The following OPCML variants were observed in gnomAD, a reference collection of about 807,000 sequenced individuals.
OPCML encodes the protein opioid binding protein/cell adhesion molecule like.
In OPCML, 13 loss-of-function variants were observed where a neutral mutation model predicts 37.8. The ratio of observed to expected loss-of-function variants is 0.34; its 90% CI spans 0.22 to 0.55. The LOEUF (loss-of-function observed/expected upper bound fraction) is 0.55, where lower values mean the gene tolerates loss of function less well. Among genes scored for constraint, OPCML ranks in the 20% least tolerant of loss-of-function variants. The pLI is 0.91. For synonymous variants in OPCML, 176 were observed against 168.8 expected (o/e 1.04, Z -0.33); for missense variants, 341 against 435.6 (o/e 0.78, Z 1.93).
chr11:132,697,791 C>T (rs1040615493), intron 2 of OPCML, among the ~76,000 whole-genome samples: 5 of 151,378 alleles, frequency 3.3e-5, no homozygotes, highest in Non-Finnish European at 5.9e-5. Context: ...TGAGACAAGG[C>T]CTCTCTCTCT....
At chr11:133,503,063 G>A (rs1591574517) in intron 1 of OPCML, among the ~76,000 whole-genome samples, 1 of 152,340 alleles carries the variant, frequency 6.6e-6, no homozygotes, top group South Asian at 2.1e-4. Flanking sequence ...AAAGGACACA[G>A]GGGATTTGAG....
intron 1 of OPCML, among the ~76,000 whole-genome samples, chr11:132,961,885 G>A (rs991208257): frequency 3.9e-5 from 6 of 152,146 alleles, no homozygotes; most frequent in African/African-American, 9.7e-5. Flanking sequence ...TGCCTCTAAG[G>A]TCAGGCTCAG....
intron 2 of OPCML, among the ~76,000 whole-genome samples, chr11:132,717,049 T>C (rs1591509403): frequency 6.6e-6 from 1 of 152,142 alleles, no homozygotes; most frequent in African/African-American, 2.4e-5. Flanking sequence ...ACTCTGGACA[T>C]GTATCATATA....
At chr11:132,855,534 G>A (rs555361812) in intron 2 of OPCML, among the ~76,000 whole-genome samples, 11 of 152,280 alleles carry the variant, frequency 7.2e-5, no homozygotes, top group Non-Finnish European at 1.5e-4. Context: ...ATTACAATAT[G>A]ATTTCATTTC....
chr11:132,427,191 A>T (rs2095980479), intron 7 of OPCML, among the ~76,000 whole-genome samples: 1 of 152,200 alleles, frequency 6.6e-6, no homozygotes, highest in South Asian at 2.1e-4. Flanking sequence ...GAGCTTGTTG[A>T]CAGCACAGTG....
At chr11:132,745,576 AAAAAAAAGAAAG>A (rs1271908266) in intron 2 of OPCML, among the ~76,000 whole-genome samples, 7 of 145,890 alleles carry the variant, frequency 4.8e-5, no homozygotes, top group Non-Finnish European at 7.5e-5. Flanking sequence ...AAAAAAAAAA[AAAAAAAAGAAAG>A]AAAGAAAGAA....
intron 2 of OPCML, among the ~76,000 whole-genome samples, chr11:132,831,777 T>C (rs1940705593): frequency 6.6e-6 from 1 of 151,548 alleles, no homozygotes; most frequent in Admixed American, 6.6e-5. Context: ...GTCAAATTTG[T>C]ATAAGCACAG....
chr11:132,572,612 G>A (rs1454674609), intron 3 of OPCML, among the ~76,000 whole-genome samples: 1 of 151,938 alleles, frequency 6.6e-6, no homozygotes, highest in East Asian at 1.9e-4. Flanking sequence ...GGGCTGTATG[G>A]CTTTTTAAAT....
chr11:132,619,878 A>G lies in OPCML; in HGVS notation c.379+37209T>C, dbSNP rs142357707. On this transcript the variant is annotated intron_variant, in intron 3 of 7. Coordinates refer to ENST00000524381, the MANE Select transcript of OPCML (RefSeq NM_001012393.5). The stretch of plus-strand genomic sequence containing the variant: ...AAAAAAAAAAAAAAAAATTGGCCTA[A>G]AACAATGGGAAAATATTCCCTAGTG... Among the ~76,000 whole-genome samples, 690 of 151,684 alleles carry G rather than the reference A, an allele frequency of 4.5e-3. 10 individuals carry two copies. The highest frequency in any genetic ancestry group is 0.016 in the African/African-American group (650 of 41,354).
At chr11:132,648,741 A>T (rs547862829) in intron 3 of OPCML, among the ~76,000 whole-genome samples, 1 of 152,224 alleles carries the variant, frequency 6.6e-6, no homozygotes, top group African/African-American at 2.4e-5. Context: ...GGATCATATC[A>T]AGGAGTTTCT....
intron 2 of OPCML, among the ~76,000 whole-genome samples, chr11:132,724,181 C>G (rs1944785263): frequency 6.6e-6 from 1 of 152,110 alleles, no homozygotes; most frequent in Non-Finnish European, 1.5e-5. Context: ...TCCCACCACC[C>G]CTTCTTTAGC....
At chr11:132,673,789 T>C (rs1942580155) in intron 2 of OPCML, among the ~76,000 whole-genome samples, 1 of 152,124 alleles carries the variant, frequency 6.6e-6, no homozygotes, top group Non-Finnish European at 1.5e-5. Context: ...ACAGCAATCA[T>C]AAATTTTCCC....
intron 7 of OPCML, 167 bp from the exon 8 acceptor site, chr11:132,420,460 G>A (rs940247960): frequency 1.1e-6 from 1 of 923,078 alleles, no homozygotes; most frequent in Non-Finnish European, 1.3e-6. Flanking sequence ...GGAACTCAAA[G>A]GGGCAAGCTG....
chr11:133,437,650 G>T (rs374820086), intron 1 of OPCML, among the ~76,000 whole-genome samples: 2,220 of 97,090 alleles, frequency 0.023, 49 homozygotes, highest in Non-Finnish European at 0.032. Context: ...TCTCAACCCC[G>T]CTCACCTCTC....
At chr11:132,629,021 A>T (rs1939920639) in intron 3 of OPCML, among the ~76,000 whole-genome samples, 1 of 151,940 alleles carries the variant, frequency 6.6e-6, no homozygotes, top group African/African-American at 2.4e-5. Flanking sequence ...ATTACTACAC[A>T]CCTTCACTTT....
intron 1 of OPCML, among the ~76,000 whole-genome samples, chr11:133,119,415 G>C (rs1949387199): frequency 6.6e-6 from 1 of 152,070 alleles, no homozygotes; most frequent in Admixed American, 6.6e-5. Context: ...ATATCAGTTA[G>C]GAATGCCATA....
At chr11:133,126,933 C>T (rs1949526900) in intron 1 of OPCML, among the ~76,000 whole-genome samples, 1 of 152,150 alleles carries the variant, frequency 6.6e-6, no homozygotes, top group Non-Finnish European at 1.5e-5. Flanking sequence ...AGATATGGTT[C>T]TTTTTAATTC....
chr11:133,203,108 G>A (rs1476943588), intron 1 of OPCML, among the ~76,000 whole-genome samples: 3 of 152,286 alleles, frequency 2.0e-5, no homozygotes, highest in Non-Finnish European at 1.5e-5. Flanking sequence ...TAAGTAACTT[G>A]CCCGAGATGA....
Position 133,516,678 on chromosome 11 carries a change from G to A in OPCML, c.61+15586C>T, listed in dbSNP as rs540911549. Among the ~76,000 whole-genome samples, 3 of 152,230 alleles carry A rather than the reference G, an allele frequency of 2.0e-5. No homozygotes were observed. In the East Asian group the frequency reaches 5.8e-4, roughly 29 times the overall value. ...AGTGTCCCCAGGGTAGATGGTCCCT[G>A]GTGCAGAGCCGGTGCAGAGCCGGGA... On this transcript the variant is annotated intron_variant, in intron 1 of 7. Coordinates refer to ENST00000524381, the MANE Select transcript of OPCML (RefSeq NM_001012393.5).
Sources: gnomAD v4.1 joint callset for allele counts (sites outside exome capture counted in the v4.1 genomes callset) on GRCh38, gnomAD v4.1.1 for gene constraint, MANE v1.5 for transcripts, NCBI Gene and HGNC (gene_info 2026-07-23, HGNC 2026-07-21) for gene names.